BBS9: variants seen among roughly 807,000 people sequenced by gnomAD.
BBS9 encodes protein PTHB1.
A neutral mutation model predicts 117.7 loss-of-function variants in BBS9; 89 were observed. The observed-to-expected ratio is 0.76, with a 90% CI of 0.64 to 0.90. The LOEUF (loss-of-function observed/expected upper bound fraction) is 0.90, where lower values mean the gene tolerates loss of function less well. Among genes scored for constraint, BBS9 ranks in the 40% least tolerant of loss-of-function variants. The pLI is 0.00. For missense variants in BBS9, 982 were observed against 1,042.2 expected, an observed-to-expected ratio of 0.94 and a Z score of 0.80; for synonymous variants, 379 against 370.9, an observed-to-expected ratio of 1.02 and a Z score of -0.25.
chr7:33,625,549 T>C (rs1034410243), intron 21 of BBS9, among the ~76,000 whole-genome samples: 1 of 152,226 alleles, frequency 6.6e-6, no homozygotes, highest in African/African-American at 2.4e-5. Flanking sequence ...ATTATGTAGA[T>C]TACCAACTGT....
chr7:33,433,227 C>G (rs1032837142), intron 19 of BBS9, among the ~76,000 whole-genome samples: 1 of 152,104 alleles, frequency 6.6e-6, no homozygotes, highest in African/African-American at 2.4e-5. Context: ...GCTGGTATCA[C>G]AAGTCTTTCG....
intron 5 of BBS9, among the ~76,000 whole-genome samples, chr7:33,221,498 A>C (rs1404238411): frequency 6.6e-6 from 1 of 151,784 alleles, no homozygotes; most frequent in Non-Finnish European, 1.5e-5. Context: ...TTCTAACAAG[A>C]AAAAAAAATT....
chr7:33,131,694 A>G (rs1789633974), intron 1 of BBS9, among the ~76,000 whole-genome samples: 1 of 152,210 alleles, frequency 6.6e-6, no homozygotes, highest in Non-Finnish European at 1.5e-5. Flanking sequence ...ACAGCTGATC[A>G]TATTGTAGGA....
At chr7:33,570,359 T>G (rs1321435245) in intron 21 of BBS9, among the ~76,000 whole-genome samples, 1 of 151,912 alleles carries the variant, frequency 6.6e-6, no homozygotes, top group African/African-American at 2.4e-5. Context: ...ACAAAACAAA[T>G]AATGGTGATA....
At chr7:33,229,319 A>C (rs1791882632) in intron 5 of BBS9, among the ~76,000 whole-genome samples, 1 of 140,294 alleles carries the variant, frequency 7.1e-6, no homozygotes, top group Non-Finnish European at 1.5e-5. Context: ...GCTACTTTTT[A>C]TACTCTGACT....
intron 13 of BBS9, among the ~76,000 whole-genome samples, chr7:33,350,290 C>G (rs1342154220): frequency 1.3e-5 from 2 of 152,126 alleles, no homozygotes; most frequent in Non-Finnish European, 2.9e-5. Context: ...AGGAATTCAA[C>G]AAATCTTTGC....
At position 33,546,381 on chromosome 7, in the gene BBS9, C is replaced by T. The variant is rs149054493; in HGVS notation, c.2521+12205C>T. 2.1e-3 allele frequency among the ~76,000 whole-genome samples: 325 copies of T among 152,196 alleles called. 1 individual carries two copies. Among genetic ancestry groups the T allele is most frequent in the African/African-American group, 7.4e-3 (308 of 41,520 alleles). On this transcript the variant is annotated intron_variant, in intron 21 of 22. Coordinates refer to ENST00000242067, the MANE Select transcript of BBS9 (RefSeq NM_198428.3). ...TGTACACAATTACTTAATGAATATT[C>T]TTGTAGCTAAATCTGTGTACATCCT...
chr7:33,543,155 T>C (rs1227735512), intron 21 of BBS9, among the ~76,000 whole-genome samples: 4 of 152,172 alleles, frequency 2.6e-5, no homozygotes, highest in Non-Finnish European at 4.4e-5. Flanking sequence ...TGGCCATTCT[T>C]GCAGGAGTAA....
intron 19 of BBS9, among the ~76,000 whole-genome samples, chr7:33,410,253 C>T (rs527968785): frequency 1.3e-5 from 2 of 152,240 alleles, no homozygotes; most frequent in South Asian, 2.1e-4. Flanking sequence ...CTCTTTAGGG[C>T]GTGGAATCCA....
chr7:33,609,762 C>G (rs918781654), downstream of BBS9, among the ~76,000 whole-genome samples: 2 of 152,086 alleles, frequency 1.3e-5, no homozygotes, highest in African/African-American at 4.8e-5. Context: ...GCGTTTTGCT[C>G]CACACCTTCC....
At chr7:33,542,699 A>ATATGTGTG (rs751531506) in intron 21 of BBS9, among the ~76,000 whole-genome samples, 1 of 145,860 alleles carries the variant, frequency 6.9e-6, no homozygotes, top group African/African-American at 2.5e-5. Context: ...CATTATATAT[A>ATATGTGTG]TGTGTGTGTG....
At chr7:33,385,876 A>G (rs1008885305) in intron 18 of BBS9, among the ~76,000 whole-genome samples, 2 of 151,968 alleles carry the variant, frequency 1.3e-5, no homozygotes, top group Admixed American at 1.3e-4. Flanking sequence ...AATTTTTGGT[A>G]TTTTTTTGCT....
intron 21 of BBS9, among the ~76,000 whole-genome samples, chr7:33,594,008 T>C (rs1862330785): frequency 6.6e-6 from 1 of 152,168 alleles, no homozygotes; most frequent in Non-Finnish European, 1.5e-5. Context: ...AAAAGAATAC[T>C]TGGACACCTA....
chr7:33,405,002 A>G (rs987877573), intron 19 of BBS9, among the ~76,000 whole-genome samples: 1 of 152,124 alleles, frequency 6.6e-6, no homozygotes, highest in Non-Finnish European at 1.5e-5. Flanking sequence ...AGCTCTTATT[A>G]TTTTGAGATA....
At chr7:33,621,184 CA>C (rs1865386848) in intron 21 of BBS9, among the ~76,000 whole-genome samples, 1 of 152,012 alleles carries the variant, frequency 6.6e-6, no homozygotes, top group South Asian at 2.1e-4. Flanking sequence ...ACCACAACAG[CA>C]AAAATAGACA....
chr7:33,439,647 G>T (rs1233280025), intron 19 of BBS9, among the ~76,000 whole-genome samples: 1 of 150,946 alleles, frequency 6.6e-6, no homozygotes, highest in Non-Finnish European at 1.5e-5. Context: ...TCCTGCCTCA[G>T]CTTCCCAAGT....
At chr7:33,349,729 C>A (rs1296733820) in intron 13 of BBS9, among the ~76,000 whole-genome samples, 1 of 152,156 alleles carries the variant, frequency 6.6e-6, no homozygotes, top group Non-Finnish European at 1.5e-5. Flanking sequence ...CCACTCCTGG[C>A]CTGTTTTTAG....
At chr7:33,495,094 T>G (rs1356090338) in intron 19 of BBS9, among the ~76,000 whole-genome samples, 1 of 152,212 alleles carries the variant, frequency 6.6e-6, no homozygotes, top group Non-Finnish European at 1.5e-5. Context: ...AAAAACTAGA[T>G]GTTTTAAAAG....
chr7:33,412,629 G>C (rs181914637), intron 19 of BBS9, among the ~76,000 whole-genome samples: 3 of 152,316 alleles, frequency 2.0e-5, no homozygotes, highest in African/African-American at 7.2e-5. Flanking sequence ...GGGACTCCCA[G>C]TTTTGTCACT....
Sources: gnomAD v4.1 joint callset for allele counts (sites outside exome capture counted in the v4.1 genomes callset) on GRCh38, gnomAD v4.1.1 for gene constraint, MANE v1.5 for transcripts, NCBI Gene and HGNC (gene_info 2026-07-23, HGNC 2026-07-21) for gene names.